EGFL6: variants seen among roughly 807,000 people sequenced by gnomAD.
EGFL6 encodes the protein epidermal growth factor-like protein 6.
Under a neutral mutation model 43.1 loss-of-function variants are expected in EGFL6, and 42 were observed. The observed-to-expected ratio is 0.98, with a 90% CI of 0.76 to 1.26. EGFL6 has a LOEUF of 1.26. EGFL6 is among the 50% of genes most tolerant of loss of function. EGFL6 has a pLI of 0.00. For synonymous variants in EGFL6, 164 were observed against 163.2 expected, an observed-to-expected ratio of 1.01 and a Z score of -0.04; for missense variants, 429 against 427.8, an observed-to-expected ratio of 1.00 and a Z score of -0.02.
chrX:13,598,684 C>A (rs1447673108), intron 3 of EGFL6, among the ~76,000 whole-genome samples: 1 of 108,138 alleles, frequency 9.2e-6, no homozygotes, highest in East Asian at 2.8e-4. Context: ...CCCTCCTAGG[C>A]TTTTCTTTTC....
In EGFL6 at chrX:13,628,738, C is replaced by T. The variant is rs748532184; in HGVS notation, c.1551+1462C>T. 9.9e-5 allele frequency among the ~76,000 whole-genome samples: 11 copies of T among 111,472 alleles called. No individual in the cohort carries two copies. In the East Asian group the frequency reaches 2.0e-3, roughly 20 times the overall value. ...AGGAGAATTGCTTTAACCCGGGAGGCGGAGGTTGCAGTGAGCCGAGATCGT... is the reference window on the plus strand; with the variant it reads ...AGGAGAATTGCTTTAACCCGGGAGGTGGAGGTTGCAGTGAGCCGAGATCGT... On this transcript the variant is annotated intron_variant, in intron 11 of 11. Coordinates refer to ENST00000361306, the MANE Select transcript of EGFL6 (RefSeq NM_015507.4).
intron 11 of EGFL6, among the ~76,000 whole-genome samples, chrX:13,629,979 C>A (rs995231319): frequency 3.6e-5 from 4 of 112,234 alleles, no homozygotes; most frequent in African/African-American, 1.3e-4. Context: ...CAGGCCCAGA[C>A]ACAGAAACCT....
intron 1 of EGFL6, among the ~76,000 whole-genome samples, chrX:13,571,036 A>C (rs1047795269): frequency 1.1e-4 from 12 of 110,407 alleles, no homozygotes; most frequent in African/African-American, 3.6e-4. Flanking sequence ...TGCCCTGTGC[A>C]TTGTAGGATG....
intron 5 of EGFL6, among the ~76,000 whole-genome samples, chrX:13,604,489 G>T (rs964380142): frequency 1.1e-4 from 12 of 111,187 alleles, no homozygotes; most frequent in Non-Finnish European, 2.3e-4. Flanking sequence ...AGCCTGGGTC[G>T]GGAGCAAAGC....
At position 13,619,462 on chromosome X, in the gene EGFL6, C is replaced by T. The variant is rs769053415; in HGVS notation, c.1183+219C>T. 1.8e-4 allele frequency among the ~76,000 whole-genome samples: 20 copies of T among 111,333 alleles called. No homozygotes were observed. The East Asian group carries it at 3.9e-3, about 22-fold the overall frequency. ...TATAGTAAGGCTATTCTCTTCTCCC[C>T]GCCACTCCCACCTGATGCTGAGAGT... is the stretch of plus-strand genomic sequence containing the variant. On this transcript the variant is annotated intron_variant, in intron 9 of 11. Transcript: ENST00000361306.
chrX:13,582,522 A>T (rs1303813260), intron 1 of EGFL6, among the ~76,000 whole-genome samples: 2 of 111,424 alleles, frequency 1.8e-5, no homozygotes, highest in Admixed American at 1.9e-4. Context: ...ATTTATTAAC[A>T]AAGTTAATAA....
At chrX:13,601,947 AAAAGATATCTTTCCTC>A (rs1251668313) in intron 4 of EGFL6, among the ~76,000 whole-genome samples, 1 of 112,118 alleles carries the variant, frequency 8.9e-6, no homozygotes, top group African/African-American at 3.2e-5. Flanking sequence ...TCAGTGCCAA[AAAAGATATCTTTCCTC>A]AAATGGAAAG....
At chrX:13,614,222 A>C (rs1466628712) in intron 7 of EGFL6, among the ~76,000 whole-genome samples, 1 of 112,170 alleles carries the variant, frequency 8.9e-6, no homozygotes, top group African/African-American at 3.2e-5. Context: ...TTATGTGCTT[A>C]AACACAGGAC....
At chrX:13,610,097 C>A (rs1488338820) in intron 7 of EGFL6, among the ~76,000 whole-genome samples, 1 of 111,941 alleles carries the variant, frequency 8.9e-6, no homozygotes, top group Non-Finnish European at 1.9e-5. Flanking sequence ...TATTGTTGAG[C>A]ACCACTGGAC....
intron 11 of EGFL6, among the ~76,000 whole-genome samples, chrX:13,627,662 A>G (rs920558544): frequency 2.7e-5 from 3 of 112,139 alleles, no homozygotes; most frequent in African/African-American, 9.7e-5. Flanking sequence ...ATTTTTTTAA[A>G]CGGAACTGAG....
intron 7 of EGFL6, among the ~76,000 whole-genome samples, chrX:13,616,715 C>T (rs886615110): frequency 2.7e-5 from 3 of 112,554 alleles, no homozygotes; most frequent in Non-Finnish European, 5.6e-5. Flanking sequence ...GGGCAAGTCA[C>T]TTAACACCCA....
At chrX:13,630,119 C>T (rs755672447) in intron 11 of EGFL6, among the ~76,000 whole-genome samples, 3 of 111,354 alleles carry the variant, frequency 2.7e-5, no homozygotes, top group Admixed American at 9.5e-5. Flanking sequence ...TCTCATGGCT[C>T]CCCTCACCAC....
intron 3 of EGFL6, chrX:13,596,618 A>C (rs1049848849): frequency 8.9e-6 from 1 of 111,891 alleles, no homozygotes; most frequent in Non-Finnish European, 1.9e-5. Flanking sequence ...TACTGCATCC[A>C]TGATCTCCTG....
intron 1 of EGFL6, among the ~76,000 whole-genome samples, chrX:13,580,081 T>C (rs2045497225): frequency 9.0e-6 from 1 of 111,594 alleles, no homozygotes. Context: ...ACTTCACCTT[T>C]TGAAAGGATG....
In EGFL6 at chrX:13,569,733, C is replaced by T. The variant is rs189352998; in HGVS notation, c.-129C>T. On this transcript the variant is annotated 5_prime_UTR_variant, in exon 1 of 12. Transcript: ENST00000361306. ...CCTCCCAGACTGCAGGGACAGCACC[C>T]GGTAACTGCGAGTGGAGCGGAGGAC... 1.1e-4 allele frequency: 71 copies of T among 649,801 alleles called. No homozygotes were observed. In the Middle Eastern group the frequency reaches 2.0e-3, roughly 18 times the overall value. The allele number at this position is 649,801 out of a possible 1,213,427, so 53.6% of individuals were successfully genotyped here.
intron 1 of EGFL6, among the ~76,000 whole-genome samples, chrX:13,584,447 C>T (rs1326083933): frequency 8.9e-6 from 1 of 111,959 alleles, no homozygotes; most frequent in Non-Finnish European, 1.9e-5. Flanking sequence ...ACATCCACTT[C>T]TGTAGAATCA....
chrX:13,622,841 A>G lies in EGFL6; in HGVS notation c.1184-983A>G, dbSNP rs774436422. 2.7e-5 allele frequency among the ~76,000 whole-genome samples: 3 copies of G among 112,093 alleles called. No homozygotes were observed. In the East Asian group the frequency reaches 8.3e-4, roughly 31 times the overall value. ...AGGCACTGGTTCAAAACTTAAAACTAGCTGAATGAACTCTTATATTTCTCT... is the reference window on the plus strand; with the variant it reads ...AGGCACTGGTTCAAAACTTAAAACTGGCTGAATGAACTCTTATATTTCTCT... On this transcript the variant is annotated intron_variant, in intron 9 of 11. Coordinates refer to ENST00000361306, the MANE Select transcript of EGFL6 (RefSeq NM_015507.4).
chrX:13,632,097 C>T (rs1476940937), intron 11 of EGFL6, among the ~76,000 whole-genome samples: 1 of 109,619 alleles, frequency 9.1e-6, no homozygotes, highest in Non-Finnish European at 1.9e-5. Flanking sequence ...ATTTTCAACA[C>T]GTGAAAACAA....
At chrX:13,591,415 A>G (rs990667317) in intron 2 of EGFL6, among the ~76,000 whole-genome samples, 7 of 111,677 alleles carry the variant, frequency 6.3e-5, no homozygotes, top group African/African-American at 2.3e-4. Context: ...TCACTATGCA[A>G]GTTTTGCAAG....
Sources: gnomAD v4.1 joint callset for allele counts (sites outside exome capture counted in the v4.1 genomes callset) on GRCh38, gnomAD v4.1.1 for gene constraint, MANE v1.5 for transcripts, NCBI Gene and HGNC (gene_info 2026-07-23, HGNC 2026-07-21) for gene names.